Variants in KATNAL2 observed in about 807,000 individuals in gnomAD.
KATNAL2 encodes katanin catalytic subunit A1 like 2.
A neutral mutation model predicts 76.3 loss-of-function variants in KATNAL2; 52 were observed. The observed-to-expected ratio is 0.68, with a 90% confidence interval of 0.55 to 0.86. KATNAL2 has a LOEUF of 0.86. Ranked by LOEUF, KATNAL2 falls within the 40% of genes least tolerant of loss-of-function variation. The probability of loss-of-function intolerance (pLI) is 0.00; values close to 1 mark genes in which losing one functional copy is unlikely to be tolerated. For synonymous variants in KATNAL2, 243 were observed against 244.2 expected (o/e 1.00, Z 0.05); for missense variants, 660 against 668.9 (o/e 0.99, Z 0.15).
intron 4 of KATNAL2, among the ~76,000 whole-genome samples, chr18:47,047,369 C>T (rs759711373): frequency 1.3e-5 from 2 of 152,176 alleles, no homozygotes; most frequent in African/African-American, 2.4e-5. Flanking sequence ...TTTCTATAGT[C>T]TCACTGCTGG....
intron 3 of KATNAL2, among the ~76,000 whole-genome samples, chr18:46,952,119 G>A (rs566835521): frequency 3.9e-5 from 6 of 152,152 alleles, no homozygotes; most frequent in African/African-American, 1.4e-4. Context: ...TCTCTCCCAG[G>A]CTGGAGTGCA....
At chr18:47,038,753 C>CA (rs768571252) in intron 3 of KATNAL2, among the ~76,000 whole-genome samples, 34 of 151,860 alleles carry the variant, frequency 2.2e-4, no homozygotes, top group Non-Finnish European at 4.0e-4. Context: ...ATTTTTGTAC[C>CA]AAAAAACTGA....
chr18:46,967,506 C>T (rs1288827465), intron 3 of KATNAL2, among the ~76,000 whole-genome samples: 1 of 110,820 alleles, frequency 9.0e-6, no homozygotes, highest in South Asian at 2.6e-4. Context: ...TGTGTGTGCG[C>T]GCGCGCGTCC....
intron 11 of KATNAL2, among the ~76,000 whole-genome samples, chr18:47,068,078 A>G (rs982940424): frequency 2.0e-5 from 3 of 152,200 alleles, no homozygotes; most frequent in Admixed American, 6.5e-5. Context: ...CATGCCTCTT[A>G]TATTTTTTTG....
chr18:47,092,583 G>A (rs771063550), intron 15 of KATNAL2, among the ~76,000 whole-genome samples: 8 of 151,920 alleles, frequency 5.3e-5, no homozygotes, highest in Non-Finnish European at 1.2e-4. Context: ...AGTCACAACT[G>A]TTAACTGTCT....
chr18:46,944,797 G>T (rs1044107064), intron 1 of KATNAL2, among the ~76,000 whole-genome samples: 1 of 151,854 alleles, frequency 6.6e-6, no homozygotes, highest in Non-Finnish European at 1.5e-5. Flanking sequence ...GCGTGGTGGC[G>T]TGCACTTGTA....
chr18:46,935,392 A>G (rs2059057533), intron 1 of KATNAL2, among the ~76,000 whole-genome samples: 1 of 152,114 alleles, frequency 6.6e-6, no homozygotes, highest in African/African-American at 2.4e-5. Flanking sequence ...GCTGCTGACA[A>G]AGTGGCCCAG....
intron 16 of KATNAL2, among the ~76,000 whole-genome samples, chr18:47,099,610 G>C (rs1392429071): frequency 6.6e-6 from 1 of 152,224 alleles, no homozygotes; most frequent in African/African-American, 2.4e-5. Context: ...ATGTGAGGCA[G>C]TGGAAACAGC....
intron 3 of KATNAL2, among the ~76,000 whole-genome samples, chr18:46,953,755 TC>T (rs2059638562): frequency 8.7e-6 from 1 of 114,466 alleles, no homozygotes; most frequent in African/African-American, 3.4e-5. Flanking sequence ...AGACCCCGTC[TC>T]AAAAAAAAAA....
At position 47,063,376 on chromosome 18, in the gene KATNAL2, T is replaced by G. The variant is rs1787676383; in HGVS notation, c.726+15T>G. On this transcript the variant is annotated intron_variant, in intron 10 of 17. Transcript: ENST00000683218. ...TGGTGAGCCGGGTAAGATCTGATATTCAATTCACAAATTTATGGAGGCAGG... is the reference window on the plus strand; with the variant it reads ...TGGTGAGCCGGGTAAGATCTGATATGCAATTCACAAATTTATGGAGGCAGG... The G allele has an allele frequency of 6.2e-7, 1 of 1,607,800 alleles. No homozygotes were observed. The highest frequency in any genetic ancestry group is 1.3e-5 in the African/African-American group (1 of 74,738).
chr18:46,937,795 T>A (rs1292845345), intron 1 of KATNAL2, among the ~76,000 whole-genome samples: 1 of 152,212 alleles, frequency 6.6e-6, no homozygotes, highest in African/African-American at 2.4e-5. Context: ...GATACTGTGA[T>A]ATATTCCTGC....
At chr18:47,049,888 T>G (rs1320415984) in intron 4 of KATNAL2, among the ~76,000 whole-genome samples, 2 of 152,186 alleles carry the variant, frequency 1.3e-5, no homozygotes, top group Admixed American at 1.3e-4. Context: ...TGTTTATTTA[T>G]TTATTTCCTT....
At chr18:47,091,827 G>A (rs151302502) in intron 15 of KATNAL2, among the ~76,000 whole-genome samples, 9 of 152,294 alleles carry the variant, frequency 5.9e-5, no homozygotes, top group Non-Finnish European at 1.2e-4. Context: ...GGAAGAAGGA[G>A]TCCCTGTGAA....
At chr18:47,066,847 T>TTTATATATATATATATATA (rs1319765780) in intron 10 of KATNAL2, among the ~76,000 whole-genome samples, 174 bp from the exon 11 acceptor site, 2 of 29,596 alleles carry the variant, frequency 6.8e-5, no homozygotes, top group Non-Finnish European at 1.3e-4. Flanking sequence ...ATATATGTGT[T>TTTATATATATATATATATA]TATATATATA....
intron 8 of KATNAL2, among the ~76,000 whole-genome samples, chr18:47,062,302 T>A (rs1419005762): frequency 6.6e-6 from 1 of 151,914 alleles, no homozygotes; most frequent in Non-Finnish European, 1.5e-5. Context: ...GAGGATCCCT[T>A]GAGCCCAGAA....
Position 47,058,314 on chromosome 18 carries a change from G to A in KATNAL2, c.412G>A (p.Gly138Arg). 1 of 1,613,944 alleles carries A rather than the reference G, an allele frequency of 6.2e-7. No homozygotes were observed. Among genetic ancestry groups the A allele is most frequent in the Non-Finnish European group, 8.5e-7 (1 of 1,179,806 alleles). ...GTCCAAAACCACAGCGGGGAAGACA[G>A]GGGACACCAAATCGCTCAATAAGGA... is the stretch of plus-strand genomic sequence containing the variant. ...PRSKTTAGKT[G>R]DTKSLNKEHP... Residue 138 changes from glycine (G) to arginine (R), a missense_variant, in exon 7 of 18, where the codon GGG becomes AGG. Coordinates refer to ENST00000683218, the MANE Select transcript of KATNAL2 (RefSeq NM_001387690.1).
chr18:46,957,195 C>T (rs1404458164), intron 3 of KATNAL2, among the ~76,000 whole-genome samples: 1 of 148,706 alleles, frequency 6.7e-6, no homozygotes, highest in African/African-American at 2.5e-5. Context: ...GAAGGTGTTT[C>T]GGGGTGAGAC....
At chr18:47,094,744 T>C (rs1280074960) in intron 15 of KATNAL2, among the ~76,000 whole-genome samples, 1 of 152,210 alleles carries the variant, frequency 6.6e-6, no homozygotes, top group Non-Finnish European at 1.5e-5. Flanking sequence ...GGCAAGAGTT[T>C]GGCTGCTAAT....
At chr18:46,953,300 T>A (rs1025496108) in intron 3 of KATNAL2, among the ~76,000 whole-genome samples, 2 of 152,200 alleles carry the variant, frequency 1.3e-5, no homozygotes, top group South Asian at 2.1e-4. Flanking sequence ...TGTGGGATAT[T>A]TTCCTCAAAA....
Sources: allele counts gnomAD v4.1 joint callset (sites outside exome capture counted in the v4.1 genomes callset), GRCh38; gene constraint gnomAD v4.1.1; transcripts MANE v1.5; gene names NCBI Gene and HGNC (gene_info 2026-07-23, HGNC 2026-07-21).